Variants in IKZF4 observed in about 807,000 individuals in gnomAD.
The protein encoded by IKZF4 is zinc finger protein Eos.
A neutral mutation model predicts 47.7 loss-of-function variants in IKZF4; 11 were observed. That is an observed-to-expected ratio of 0.23 (90% CI 0.15 to 0.38). The LOEUF is 0.38. Ranked by LOEUF, IKZF4 falls within the 10% of genes least tolerant of loss-of-function variation. The pLI is 1.00. For synonymous variants in IKZF4, 298 were observed against 299.4 expected (o/e 1.00, Z 0.05); for missense variants, 557 against 784.9 (o/e 0.71, Z 3.47).
chr12:56,034,798 C>T lies in IKZF4; in HGVS notation c.1225C>T (p.Leu409Phe). 1 of 1,614,058 alleles carries T rather than the reference C, an allele frequency of 6.2e-7. No homozygotes were observed. Among genetic ancestry groups the T allele is most frequent in the Non-Finnish European group, 8.5e-7 (1 of 1,179,910 alleles). Residue 409 changes from leucine to phenylalanine, a missense_variant, in exon 8 of 8, where the codon CTC becomes TTC. This residue lies in a region of IKZF4 where 280 missense variants were observed against 314.0 expected (regional missense o/e 0.89). Coordinates refer to ENST00000547167, the MANE Select transcript of IKZF4 (RefSeq NM_022465.4). ...CTCTGTCTACACCCAGATGCAGCCCCTCCCTGGTCGACTGGAGCTTCCAGG... is the reference window on the plus strand; with the variant it reads ...CTCTGTCTACACCCAGATGCAGCCCTTCCCTGGTCGACTGGAGCTTCCAGG... ...ISSVYTQMQPLPGRLELPGSR... is the reference protein window; with the variant it reads ...ISSVYTQMQPFPGRLELPGSR...
At chr12:56,024,577 G>A (rs1893633611) in intron 2 of IKZF4, 1 of 909,208 alleles carries the variant, frequency 1.1e-6, no homozygotes, top group Non-Finnish European at 1.3e-6. Context: ...CACATAGTAA[G>A]TACTCAATTA....
chr12:56,010,591 C>T (rs1195820887), intron 1 of IKZF4: 1 of 152,106 alleles, frequency 6.6e-6, no homozygotes, highest in African/African-American at 2.4e-5. Context: ...AAAAACCATT[C>T]ATTTAATAAC....
At chr12:56,027,441 C>T (rs1424575336) in intron 4 of IKZF4, among the ~76,000 whole-genome samples, 1 of 151,894 alleles carries the variant, frequency 6.6e-6, no homozygotes, top group Non-Finnish European at 1.5e-5. Context: ...AACAACAAAA[C>T]AGAAAACAAA....
At chr12:56,021,688 CTGTGTGTGTGTGTGTGTGTG>C (rs67296911) in intron 1 of IKZF4, 108 bp downstream of exon 1, 44 of 658,810 alleles carry the variant, frequency 6.7e-5, no homozygotes, top group Middle Eastern at 3.9e-4. Context: ...AGGATGGGGG[CTGTGTGTGTGTGTGTGTGTG>C]TGTGTGTGTG....
chr12:56,021,617 AG>A (rs775612402), intron 1 of IKZF4, 37 bp downstream of exon 1: 99 of 1,557,242 alleles, frequency 6.4e-5, no homozygotes, highest in Non-Finnish European at 8.3e-5. Context: ...GGAGGGAGGA[AG>A]GGGGGTGCTG....
intron 3 of IKZF4, among the ~76,000 whole-genome samples, chr12:56,025,621 C>T (rs1319083678): frequency 6.6e-6 from 1 of 152,130 alleles, no homozygotes; most frequent in African/African-American, 2.4e-5. Context: ...GAGCTAGAGC[C>T]AAAGCCTTCT....
Position 56,013,429 on chromosome 12 carries a change from C to G in IKZF4, c.-214+1935C>G, listed in dbSNP as rs140683222. 2.0e-4 allele frequency among the ~76,000 whole-genome samples: 31 copies of G among 152,276 alleles called. No homozygotes were observed. In the East Asian group the frequency reaches 5.8e-3, roughly 28 times the overall value. ...CAAGCTGATCTTGAACTCCTGACTT[C>G]AAGTGATCTGCTTGCCTCAGCCTCC... On this transcript the variant is annotated intron_variant, in intron 2 of 11. Coordinates refer to the IKZF4 transcript ENST00000262032.
chr12:56,027,126 G>C, intron 4 of IKZF4, 85 bp downstream of exon 4: 1 of 1,312,556 alleles, frequency 7.6e-7, no homozygotes, highest in Non-Finnish European at 9.9e-7. Context: ...GCAGGTATGG[G>C]GCTGGAGGAG....
intron 6 of IKZF4, 120 bp downstream of exon 6, chr12:56,032,830 AC>A (rs1156285174): frequency 5.1e-6 from 6 of 1,184,904 alleles, no homozygotes; most frequent in Non-Finnish European, 4.9e-6. Flanking sequence ...GGGGATGATT[AC>A]CCCAGTAAAT....
rs1306933396 is a variant in IKZF4 at position 56,037,857 on chromosome 12, AG to A, written c.*2527del. 1 of 152,124 alleles carries A rather than the reference AG, an allele frequency of 6.6e-6. No individual in the cohort carries two copies. The highest frequency in any genetic ancestry group is 1.5e-5 in the Non-Finnish European group (1 of 67,980). 9.4% of individuals were successfully genotyped at this position (152,124 alleles called of 1,614,324 possible). A position where few individuals can be genotyped will look rare whatever the true frequency, so the allele number is the denominator to read the frequency against. On this transcript the variant is annotated 3_prime_UTR_variant, in exon 8 of 8. Coordinates refer to ENST00000547167, the MANE Select transcript of IKZF4 (RefSeq NM_022465.4). Reference sequence around the variant, plus strand: ...TGCATAAAAAAAAAAGTAAAGAAAAAGAAAAAAAAATACACACACACTGAAA... The same window carrying A: ...TGCATAAAAAAAAAAGTAAAGAAAAAAAAAAAAAATACACACACACTGAAA...
At position 56,025,115 on chromosome 12, in the gene IKZF4, C is replaced by T; in HGVS notation, c.243C>T (p.Ser81=). 6.2e-7 allele frequency: 1 copy of T among 1,604,582 alleles called. No homozygotes were observed. Reference sequence around the variant, plus strand: ...GGGCCCCAGTGGGGCCCTCGGTGAGCACCCCCAACAGCCAGCACTCTTCTC... The same window carrying T: ...GGGCCCCAGTGGGGCCCTCGGTGAGTACCCCCAACAGCCAGCACTCTTCTC... The part of the protein sequence containing the change: ...FLGAPVGPSV[S]TPNSQHSSPS... Residue 81 remains serine, a synonymous_variant, in exon 3 of 8, where the codon AGC becomes AGT. Coordinates refer to ENST00000547167, the MANE Select transcript of IKZF4 (RefSeq NM_022465.4).
chr12:56,021,688 CTGTGTGTGTGTGTGTGTGTGTGTGTGTG>C, intron 1 of IKZF4, 108 bp downstream of exon 1: 3 of 658,882 alleles, frequency 4.6e-6, no homozygotes, highest in East Asian at 3.2e-5. Flanking sequence ...AGGATGGGGG[CTGTGTGTGTGTGTGTGTGTGTGTGTGTG>C]TGTGTGTGTG....
chr12:56,018,238 G>C (rs1892387909), upstream of IKZF4: 1 of 1,213,844 alleles, frequency 8.2e-7, no homozygotes. Context: ...CTGTAGAGCA[G>C]AGCAGAGAGC....
intron 3 of IKZF4, among the ~76,000 whole-genome samples, chr12:56,025,674 A>C (rs1285420910): frequency 6.6e-6 from 1 of 152,036 alleles, no homozygotes; most frequent in African/African-American, 2.4e-5. Flanking sequence ...GCCCTGCCTC[A>C]GAGTTTTATG....
intron 1 of IKZF4, 133 bp from the exon 2 acceptor site, chr12:56,023,538 T>C: frequency 5.4e-6 from 6 of 1,114,350 alleles, no homozygotes; most frequent in Non-Finnish European, 7.5e-6. Flanking sequence ...CCATAAGGCT[T>C]TTTCTATAGA....
At chr12:56,015,005 A>G (rs1429185238) in intron 2 of IKZF4, among the ~76,000 whole-genome samples, 3 of 152,124 alleles carry the variant, frequency 2.0e-5, no homozygotes. Context: ...AGAAAACAGG[A>G]AAATCCTGCT....
chr12:56,012,034 TCATACC>T (rs2136541864), intron 2 of IKZF4, among the ~76,000 whole-genome samples: 1 of 152,262 alleles, frequency 6.6e-6, no homozygotes, highest in South Asian at 2.1e-4. Context: ...CCTGAATGGC[TCATACC>T]CAAGGCACAT....
chr12:56,031,403 G>GA (rs1026680521), intron 5 of IKZF4, among the ~76,000 whole-genome samples: 2 of 151,740 alleles, frequency 1.3e-5, no homozygotes, highest in Non-Finnish European at 2.9e-5. Context: ...ATTAAAATTT[G>GA]AAAAAAAAGA....
chr12:56,013,882 G>A (rs1891654940), intron 2 of IKZF4, among the ~76,000 whole-genome samples: 1 of 152,248 alleles, frequency 6.6e-6, no homozygotes, highest in Admixed American at 6.5e-5. Flanking sequence ...CGGGAGCAGT[G>A]GCTCACGCCT....
Sources: allele counts gnomAD v4.1 joint callset (sites outside exome capture counted in the v4.1 genomes callset), GRCh38; gene constraint gnomAD v4.1.1; regional missense constraint gnomAD v4.1.1; transcripts MANE v1.5; gene names NCBI Gene and HGNC (gene_info 2026-07-23, HGNC 2026-07-21).